Variants in BBOX1 observed in about 807,000 individuals in gnomAD.
BBOX1 encodes gamma-butyrobetaine hydroxylase 1.
BBOX1 carries 35 observed loss-of-function variants against 41.6 expected under a neutral mutation model. That is an observed-to-expected ratio of 0.84 (90% CI 0.64 to 1.11). BBOX1 has a LOEUF of 1.11. BBOX1 is among the 50% of genes most tolerant of loss of function. The pLI is 0.00. For synonymous variants in BBOX1, 163 were observed against 154.7 expected, an observed-to-expected ratio of 1.05 and a Z score of -0.40; for missense variants, 458 against 460.6, an observed-to-expected ratio of 0.99 and a Z score of 0.05.
intron 4 of BBOX1, among the ~76,000 whole-genome samples, chr11:27,084,702 C>T (rs1485050966): frequency 6.6e-6 from 1 of 152,160 alleles, no homozygotes; most frequent in Non-Finnish European, 1.5e-5. Context: ...CATTGCAACC[C>T]AGCATGCTGT....
rs376535650 is a variant in BBOX1 at position 27,116,248 on chromosome 11, G to A, written c.639+691G>A. 5.8e-4 allele frequency among the ~76,000 whole-genome samples: 88 copies of A among 151,710 alleles called. 3 individuals carry two copies. The highest frequency in any genetic ancestry group is 1.7e-3 in the African/African-American group (72 of 41,412). On this transcript the variant is annotated intron_variant, in intron 6 of 8. Transcript: ENST00000263182. ...AGAAAATCAAACACCGCATGTTCTC[G>A]CCTATAAGTGGGAGTTGAACAATGA...
At position 27,074,474 on chromosome 11, in the gene BBOX1, G is replaced by A. The variant is rs1335739037; in HGVS notation, c.334+17159G>A. Among the ~76,000 whole-genome samples the A allele has an allele frequency of 4.6e-5, 7 of 152,206 alleles. No individual in the cohort carries two copies. The South Asian group carries it at 1.5e-3, about 32-fold the overall frequency. On this transcript the variant is annotated intron_variant, in intron 4 of 8. Coordinates refer to ENST00000263182, the MANE Select transcript of BBOX1 (RefSeq NM_003986.3). Reference sequence around the variant, plus strand: ...TAACCAAAATGCTGATAGTGATATGGACAATGAAGTCCAGGCTGAGGTAGT... The same window carrying A: ...TAACCAAAATGCTGATAGTGATATGAACAATGAAGTCCAGGCTGAGGTAGT...
At chr11:27,057,513 AT>A in intron 4 of BBOX1, 198 bp downstream of exon 4, 1 of 509,998 alleles carries the variant, frequency 2.0e-6, no homozygotes, top group Non-Finnish European at 3.4e-6. Flanking sequence ...AATTCTAGAC[AT>A]TCTACAGAGA....
At chr11:27,077,319 T>G (rs544931985) in intron 4 of BBOX1, among the ~76,000 whole-genome samples, 1 of 152,252 alleles carries the variant, frequency 6.6e-6, no homozygotes, top group South Asian at 2.1e-4. Context: ...TCAGCTCCAG[T>G]GCCGGGTAGG....
At position 27,057,315 on chromosome 11, in the gene BBOX1, G is replaced by A. The variant is rs1857016151; in HGVS notation, c.334G>A (p.Glu112Lys). 2 of 1,605,480 alleles carry A rather than the reference G, an allele frequency of 1.2e-6. No homozygotes were observed. Among genetic ancestry groups the A allele is most frequent in the Non-Finnish European group, 8.5e-7 (1 of 1,175,482 alleles). Residue 112 changes from glutamate (E) to lysine (K), a missense_variant and splice_region_variant, in exon 4 of 9, where the codon GAA becomes AAA. Transcript: ENST00000263182. ...GCTCCAAAGAGAATTGTTTTTTCCA[G>A]GTAACTTTGCCAAAGTCTTCAATGT... is the stretch of plus-strand genomic sequence containing the variant. ...AKLQRELFFP[E>K]CQYWGSELQL...
At chr11:27,113,943 G>C (rs1455587745) in intron 5 of BBOX1, among the ~76,000 whole-genome samples, 6 of 151,708 alleles carry the variant, frequency 4.0e-5, no homozygotes. Context: ...GCATCCAAGT[G>C]AGAAATAAAA....
chr11:27,126,405 C>A (rs1287381133), intron 8 of BBOX1, among the ~76,000 whole-genome samples: 1 of 152,084 alleles, frequency 6.6e-6, no homozygotes, highest in African/African-American at 2.4e-5. Context: ...AAAATGAAAA[C>A]ATTATAGGGG....
At chr11:27,105,951 A>G (rs1243358791) in intron 5 of BBOX1, among the ~76,000 whole-genome samples, 2 of 152,174 alleles carry the variant, frequency 1.3e-5, no homozygotes, top group African/African-American at 4.8e-5. Flanking sequence ...ATTCTTAAAG[A>G]AAAGAATTTT....
intron 4 of BBOX1, among the ~76,000 whole-genome samples, chr11:27,061,442 T>TA (rs1225845157): frequency 2.6e-5 from 4 of 152,056 alleles, no homozygotes; most frequent in East Asian, 1.9e-4. Flanking sequence ...AGTTGGTGGG[T>TA]AAAAAAAAGA....
chr11:27,058,666 A>G (rs147424796), intron 4 of BBOX1, among the ~76,000 whole-genome samples: 135 of 152,312 alleles, frequency 8.9e-4, no homozygotes, highest in African/African-American at 3.2e-3. Context: ...GCCTTAGCAA[A>G]AGAGCTTGGC....
At chr11:27,051,260 T>C (rs550106861) in intron 2 of BBOX1, among the ~76,000 whole-genome samples, 4 of 152,218 alleles carry the variant, frequency 2.6e-5, no homozygotes, top group South Asian at 2.1e-4. Flanking sequence ...ATTTTGCATC[T>C]ATGTTTACCA....
Position 27,055,485 on chromosome 11 carries a change from A to C in BBOX1, c.55A>C (p.Ile19Leu), listed in dbSNP as rs1856948742. 1 of 1,614,060 alleles carries C rather than the reference A, an allele frequency of 6.2e-7. No individual in the cohort carries two copies. ...EALDGAHLMQ[I>L]LWYDEEESLY... ...ACTTGACGGGGCTCATTTGATGCAG[A>C]TCCTCTGGTATGATGAGGAAGAGTC... Residue 19 changes from isoleucine (I) to leucine (L), a missense_variant, in exon 3 of 9, where the codon ATC becomes CTC. Transcript: ENST00000263182.
chr11:27,064,233 C>G (rs1027700119), intron 4 of BBOX1, among the ~76,000 whole-genome samples: 5 of 151,792 alleles, frequency 3.3e-5, no homozygotes, highest in African/African-American at 1.2e-4. Flanking sequence ...TTAGGATGTC[C>G]CAACAGTATC....
intron 5 of BBOX1, among the ~76,000 whole-genome samples, chr11:27,111,470 T>G (rs898660970): frequency 2.0e-5 from 3 of 152,140 alleles, no homozygotes; most frequent in Non-Finnish European, 4.4e-5. Context: ...CTAACAAGTC[T>G]GCACATGTAC....
intron 4 of BBOX1, among the ~76,000 whole-genome samples, chr11:27,075,543 C>G: frequency 6.6e-6 from 1 of 152,170 alleles, no homozygotes; most frequent in South Asian, 2.1e-4. Context: ...GAGATCTTAC[C>G]AGGGGGAAGG....
intron 4 of BBOX1, among the ~76,000 whole-genome samples, 175 bp from the exon 5 acceptor site, chr11:27,092,993 G>A (rs1435395040): frequency 6.6e-6 from 1 of 151,922 alleles, no homozygotes; most frequent in Non-Finnish European, 1.5e-5. Flanking sequence ...ACAGACTGGT[G>A]TGGTGCCAAG....
chr11:27,054,606 AT>A (rs918544097), intron 2 of BBOX1, among the ~76,000 whole-genome samples: 1 of 152,038 alleles, frequency 6.6e-6, no homozygotes, highest in East Asian at 1.9e-4. Flanking sequence ...AATTTGCTGG[AT>A]TTTTTTAATA....
At chr11:27,046,678 C>A (rs1422145350) in intron 2 of BBOX1, among the ~76,000 whole-genome samples, 2 of 152,086 alleles carry the variant, frequency 1.3e-5, no homozygotes, top group Admixed American at 6.5e-5. Flanking sequence ...AAAGACATCC[C>A]ACTGATAAAA....
rs543506575 is a variant in BBOX1, at chr11:27,085,577, CT to C, written c.335-7590del. Reference sequence around the variant, plus strand: ...CCCATCTCTCTCTCTCTCTCTCTCTCTCTCTCTCTCTCTCTCTCTGGGCCTC... The same window carrying C: ...CCCATCTCTCTCTCTCTCTCTCTCTCCTCTCTCTCTCTCTCTCTGGGCCTC... On this transcript the variant is annotated intron_variant, in intron 4 of 8. Coordinates refer to ENST00000263182, the MANE Select transcript of BBOX1 (RefSeq NM_003986.3). Among the ~76,000 whole-genome samples, 483 of 151,940 alleles carry C rather than the reference CT, an allele frequency of 3.2e-3. 2 individuals carry two copies. The highest frequency in any genetic ancestry group is 5.1e-3 in the Non-Finnish European group (344 of 67,918).
Sources: allele counts gnomAD v4.1 joint callset (sites outside exome capture counted in the v4.1 genomes callset), GRCh38; gene constraint gnomAD v4.1.1; transcripts MANE v1.5; gene names NCBI Gene and HGNC (gene_info 2026-07-23, HGNC 2026-07-21).